Variants in PAM observed in about 807,000 individuals in gnomAD.
The protein encoded by PAM is peptidylglycine alpha-amidating monooxygenase.
Under a neutral mutation model 122.1 loss-of-function variants are expected in PAM, and 72 were observed. The ratio of observed to expected loss-of-function variants is 0.59; its 90% confidence interval spans 0.49 to 0.72. The LOEUF is 0.72. PAM is among the 30% of genes least tolerant of loss of function. PAM has a pLI of 0.00. For missense variants in PAM, 1,106 were observed against 1,183.7 expected (o/e 0.93, Z 0.96); for synonymous variants, 389 against 404.4 (o/e 0.96, Z 0.46).
chr5:102,787,372 C>T (rs1760813255), intron 1 of PAM, among the ~76,000 whole-genome samples: 1 of 152,052 alleles, frequency 6.6e-6, no homozygotes, highest in Admixed American at 6.5e-5. Flanking sequence ...GGACCTGAGA[C>T]ATATTTTCTG....
chr5:103,027,437 T>C (rs781574621), intron 24 of PAM, among the ~76,000 whole-genome samples: 29 of 152,200 alleles, frequency 1.9e-4, no homozygotes, highest in Admixed American at 8.5e-4. Flanking sequence ...TTCCTGACCA[T>C]AGCCCTTGAG....
At chr5:102,783,859 C>T (rs940506406) in intron 1 of PAM, among the ~76,000 whole-genome samples, 1 of 152,060 alleles carries the variant, frequency 6.6e-6, no homozygotes, top group Non-Finnish European at 1.5e-5. Flanking sequence ...TGGTTTCCCT[C>T]TCCTCTTGGA....
intron 1 of PAM, among the ~76,000 whole-genome samples, chr5:102,834,982 A>G (rs1479047331): frequency 6.6e-6 from 1 of 152,152 alleles, no homozygotes; most frequent in Non-Finnish European, 1.5e-5. Flanking sequence ...GAGACCAAGT[A>G]CAAAGAGGTC....
chr5:102,960,208 C>G, intron 13 of PAM, 149 bp downstream of exon 13: 1 of 537,038 alleles, frequency 1.9e-6, no homozygotes, highest in Non-Finnish European at 3.3e-6. Flanking sequence ...TCATTTTTCT[C>G]TTTCATATCC....
intron 3 of PAM, among the ~76,000 whole-genome samples, chr5:102,900,779 A>G (rs1285698346): frequency 6.6e-6 from 1 of 151,652 alleles, no homozygotes; most frequent in Non-Finnish European, 1.5e-5. Context: ...TATATTTGAT[A>G]GTGAAAAAAT....
At chr5:102,786,284 C>T (rs1459693346) in intron 1 of PAM, among the ~76,000 whole-genome samples, 1 of 152,156 alleles carries the variant, frequency 6.6e-6, no homozygotes, top group Admixed American at 6.5e-5. Flanking sequence ...AAACTCTGAG[C>T]GTCTTCATTT....
intron 15 of PAM, among the ~76,000 whole-genome samples, chr5:102,984,154 G>T (rs1770924371): frequency 6.6e-6 from 1 of 151,802 alleles, no homozygotes; most frequent in African/African-American, 2.4e-5. Context: ...AAACCACAAT[G>T]ATAAACAATA....
At chr5:103,004,099 C>A (rs1245107353) in intron 17 of PAM, among the ~76,000 whole-genome samples, 3 of 152,192 alleles carry the variant, frequency 2.0e-5, no homozygotes, top group Non-Finnish European at 4.4e-5. Context: ...GGAAAGCTAG[C>A]TTCTTCGCAA....
At chr5:102,998,338 T>A (rs1776325308) in intron 16 of PAM, among the ~76,000 whole-genome samples, 1 of 152,192 alleles carries the variant, frequency 6.6e-6, no homozygotes, top group Admixed American at 6.5e-5. Context: ...GTTTCCCTAA[T>A]GTTTTGTCAT....
intron 1 of PAM, among the ~76,000 whole-genome samples, chr5:102,824,821 A>G (rs1352832858): frequency 6.6e-6 from 1 of 152,210 alleles, no homozygotes; most frequent in Non-Finnish European, 1.5e-5. Flanking sequence ...AAATTTTCTA[A>G]AATAAGGACT....
intron 14 of PAM, among the ~76,000 whole-genome samples, 158 bp downstream of exon 14, chr5:102,961,387 G>A (rs1387683013): frequency 6.6e-6 from 1 of 151,694 alleles, no homozygotes; most frequent in African/African-American, 2.4e-5. Context: ...TGAGAAAATG[G>A]TCAATTATTG....
At position 103,017,823 on chromosome 5, in the gene PAM, C is replaced by T. The variant is rs145046996; in HGVS notation, c.2431+390C>T. Among the ~76,000 whole-genome samples, 294 of 152,210 alleles carry T rather than the reference C, an allele frequency of 1.9e-3. 2 individuals carry two copies. Among genetic ancestry groups the T allele is most frequent in the African/African-American group, 6.9e-3 (285 of 41,532 alleles). On this transcript the variant is annotated intron_variant, in intron 22 of 25. Transcript: ENST00000438793. ...CTGAGCATCTAGAGATACCAGCATC[C>T]GTTTGAGACATATTATCCCAAATAT...
At chr5:102,994,853 A>G (rs1775185237) in intron 16 of PAM, among the ~76,000 whole-genome samples, 1 of 152,162 alleles carries the variant, frequency 6.6e-6, no homozygotes, top group African/African-American at 2.4e-5. Flanking sequence ...GGTCTCTTTG[A>G]TAAGCATGCC....
intron 17 of PAM, among the ~76,000 whole-genome samples, chr5:103,004,428 GA>G (rs754692078): frequency 7.2e-5 from 11 of 151,926 alleles, no homozygotes; most frequent in Admixed American, 5.2e-4. Flanking sequence ...TATGGCTTAT[GA>G]AAAAAAATCT....
At position 102,888,631 on chromosome 5, in the gene PAM, T is replaced by C. The variant is rs141404272; in HGVS notation, c.211-12725T>C. On this transcript the variant is annotated intron_variant, in intron 3 of 25. Coordinates refer to ENST00000438793, the MANE Select transcript of PAM (RefSeq NM_001177306.2). ...CTGTCCCTGCCTCCACCACACTTAC[T>C]CCCATCTCAGGGTTTGGTTCAGGCT... Among the ~76,000 whole-genome samples, 1,009 of 151,858 alleles carry C rather than the reference T, an allele frequency of 6.6e-3. 8 individuals carry two copies. The highest frequency in any genetic ancestry group is 0.012 in the Non-Finnish European group (841 of 67,882).
chr5:102,992,439 G>A (rs1229378181), intron 16 of PAM, among the ~76,000 whole-genome samples: 1 of 151,816 alleles, frequency 6.6e-6, no homozygotes, highest in East Asian at 1.9e-4. Context: ...ATTCTTTTCT[G>A]GCACTCAGCT....
intron 4 of PAM, among the ~76,000 whole-genome samples, chr5:102,912,312 A>T (rs1801645055): frequency 6.6e-6 from 1 of 151,898 alleles, no homozygotes; most frequent in Admixed American, 6.6e-5. Context: ...TGGGAGGGGG[A>T]GGAGGATGAT....
chr5:102,855,602 G>A (rs1782431875), intron 1 of PAM, among the ~76,000 whole-genome samples: 1 of 152,056 alleles, frequency 6.6e-6, no homozygotes, highest in African/African-American at 2.4e-5. Context: ...GTCTGAGCTG[G>A]TTTTTGCATG....
At chr5:102,899,019 C>G (rs1158244841) in intron 3 of PAM, among the ~76,000 whole-genome samples, 2 of 151,470 alleles carry the variant, frequency 1.3e-5, no homozygotes, top group African/African-American at 4.8e-5. Context: ...TGATACTTGT[C>G]TCCTGCAGAG....
Sources: allele counts gnomAD v4.1 joint callset (sites outside exome capture counted in the v4.1 genomes callset), GRCh38; gene constraint gnomAD v4.1.1; transcripts MANE v1.5; gene names NCBI Gene and HGNC (gene_info 2026-07-23, HGNC 2026-07-21).